MCTP2: variants seen among roughly 807,000 people sequenced by gnomAD.
The protein encoded by MCTP2 is multiple C2 and transmembrane domain containing 2.
MCTP2 carries 132 observed loss-of-function variants against 111.6 expected under a neutral mutation model. The ratio of observed to expected loss-of-function variants is 1.18; its 90% confidence interval spans 1.03 to 1.37. The LOEUF is 1.37. Ranked by LOEUF, MCTP2 falls within the 40% of genes most tolerant of loss-of-function variation. The pLI, the probability that MCTP2 is intolerant of heterozygous loss-of-function variation, is 0.00. For missense variants in MCTP2, 1,183 were observed against 1,067.9 expected, an observed-to-expected ratio of 1.11 and a Z score of -1.50; for synonymous variants, 395 against 387.7, an observed-to-expected ratio of 1.02 and a Z score of -0.22.
At chr15:94,314,461 C>T (rs923821090) in intron 3 of MCTP2, 117 bp downstream of exon 3, 8 of 737,726 alleles carry the variant, frequency 1.1e-5, no homozygotes, top group South Asian at 1.9e-5. Flanking sequence ...AATGCCAAAC[C>T]GTATCCACTT....
At chr15:94,423,813 T>C (rs2082739525) in intron 17 of MCTP2, among the ~76,000 whole-genome samples, 1 of 152,166 alleles carries the variant, frequency 6.6e-6, no homozygotes, top group Non-Finnish European at 1.5e-5. Flanking sequence ...TGATCTACTG[T>C]AAGGGAAAGC....
intron 4 of MCTP2, among the ~76,000 whole-genome samples, chr15:94,325,655 C>G (rs143086995): frequency 6.6e-5 from 9 of 136,190 alleles, no homozygotes; most frequent in African/African-American, 2.0e-4. Context: ...TTAAAAGGCA[C>G]CTTATTTGAA....
chr15:94,461,372 A>C (rs957951347), intron 20 of MCTP2, among the ~76,000 whole-genome samples: 1 of 151,880 alleles, frequency 6.6e-6, no homozygotes, highest in Non-Finnish European at 1.5e-5. Context: ...AGGCAGGAGA[A>C]TCGCTTGAAC....
In MCTP2 at chr15:94,458,076, TC is replaced by T. The variant is rs1379668045; in HGVS notation, c.2251-60del. ...GTTATTATAACATGTTATAATATTTTCTGTATCAGCATGATAAAAAATGAAG... is the reference window on the plus strand; with the variant it reads ...GTTATTATAACATGTTATAATATTTTTGTATCAGCATGATAAAAAATGAAG... On this transcript the variant is annotated intron_variant, in intron 19 of 22. Transcript: ENST00000357742. 3.4e-6 allele frequency: 3 copies of T among 885,590 alleles called. No individual in the cohort carries two copies. In the East Asian group the frequency reaches 7.3e-5, roughly 22 times the overall value. The allele number at this position is 885,590 out of a possible 1,614,324, so 54.9% of individuals were successfully genotyped here.
chr15:94,435,155 G>A (rs753088438), intron 17 of MCTP2, among the ~76,000 whole-genome samples: 7 of 152,004 alleles, frequency 4.6e-5, no homozygotes, highest in African/African-American at 9.7e-5. Context: ...ATGAGCCACC[G>A]TACCCAGCCT....
intron 1 of MCTP2, among the ~76,000 whole-genome samples, chr15:94,241,300 C>T (rs938359653): frequency 3.9e-5 from 6 of 152,248 alleles, no homozygotes; most frequent in Non-Finnish European, 7.4e-5. Context: ...GAACACTCAT[C>T]GGTGTTGTTT....
chr15:94,335,504 A>G (rs928692014), intron 4 of MCTP2, among the ~76,000 whole-genome samples: 2 of 152,240 alleles, frequency 1.3e-5, no homozygotes, highest in African/African-American at 2.4e-5. Flanking sequence ...ATTGATTTCC[A>G]TAATAAAGGG....
At position 94,367,709 on chromosome 15, in the gene MCTP2, C is replaced by A. The variant is rs746573027; in HGVS notation, c.1406C>A (p.Pro469His). ...GALLMLVTLT[P>H]CAGVSVSDLC... ...CTCCTTATGTTGGTCACACTTACAC[C>A]CTGTGCGGGGGTCTCCGTCTCTGAT... The change falls in exon 11 of 23, where the codon CCC (proline) becomes CAC (histidine). Residue 469 changes from proline (P) to histidine (H), a missense_variant. Physicochemically the swap from Pro to His is moderately conservative, Grantham distance 77. Coordinates refer to ENST00000357742, the MANE Select transcript of MCTP2 (RefSeq NM_001385001.1). 6.2e-7 allele frequency: 1 copy of A among 1,610,518 alleles called. No individual in the cohort carries two copies. The highest frequency in any genetic ancestry group is 1.1e-5 in the South Asian group (1 of 90,670).
At chr15:94,430,324 T>C (rs1161421164) in intron 17 of MCTP2, among the ~76,000 whole-genome samples, 2 of 151,274 alleles carry the variant, frequency 1.3e-5, no homozygotes, top group Admixed American at 6.6e-5. Flanking sequence ...TCTTGCTCAC[T>C]CTGCTTCAGA....
chr15:94,273,604 G>T, intron 1 of MCTP2: 1 of 201,634 alleles, frequency 5.0e-6, no homozygotes, highest in South Asian at 1.0e-4. Flanking sequence ...GCTCTCCAAA[G>T]AGCTGAGCAG....
At chr15:94,263,962 G>A (rs140384114) in intron 1 of MCTP2, among the ~76,000 whole-genome samples, 30 of 152,298 alleles carry the variant, frequency 2.0e-4, no homozygotes, top group African/African-American at 6.0e-4. Flanking sequence ...TAGTCTGGTA[G>A]ATATGAGTAG....
At position 94,415,307 on chromosome 15, in the gene MCTP2, A is replaced by G. The variant is rs1328517882; in HGVS notation, c.2085+13288A>G. Among the ~76,000 whole-genome samples, 5 of 152,220 alleles carry G rather than the reference A, an allele frequency of 3.3e-5. No individual in the cohort carries two copies. In the East Asian group the frequency reaches 7.7e-4, roughly 24 times the overall value. On this transcript the variant is annotated intron_variant, in intron 17 of 22. Transcript: ENST00000357742. The stretch of plus-strand genomic sequence containing the variant: ...TATCTGTCTTTCCACTGAGACCACT[A>G]GATCAAGTAACCTAGACGGTGTCAA...
At chr15:94,243,500 T>TA (rs2071288392) in intron 1 of MCTP2, among the ~76,000 whole-genome samples, 1 of 136,420 alleles carries the variant, frequency 7.3e-6, no homozygotes, top group Non-Finnish European at 1.6e-5. Flanking sequence ...TATGCGTACA[T>TA]ATGTATGCGT....
At chr15:94,398,461 C>T (rs1567622342) in intron 14 of MCTP2, among the ~76,000 whole-genome samples, 1 of 152,152 alleles carries the variant, frequency 6.6e-6, no homozygotes, top group Non-Finnish European at 1.5e-5. Flanking sequence ...ACATTGTTAC[C>T]TTGTGATTAA....
chr15:94,422,707 G>C (rs572431584), intron 17 of MCTP2, among the ~76,000 whole-genome samples: 1 of 152,146 alleles, frequency 6.6e-6, no homozygotes, highest in Non-Finnish European at 1.5e-5. Flanking sequence ...TCCCCACCAA[G>C]TTCTCCAACC....
intron 1 of MCTP2, among the ~76,000 whole-genome samples, chr15:94,293,485 A>G (rs1243115862): frequency 6.6e-6 from 1 of 152,188 alleles, no homozygotes; most frequent in Non-Finnish European, 1.5e-5. Context: ...AATGAAAATT[A>G]AAAACCCAGA....
intron 14 of MCTP2, among the ~76,000 whole-genome samples, chr15:94,391,150 G>C (rs188289620): frequency 6.6e-6 from 1 of 151,994 alleles, no homozygotes; most frequent in Non-Finnish European, 1.5e-5. Context: ...CAGTGTTCTC[G>C]GTGAATCCAT....
intron 1 of MCTP2, among the ~76,000 whole-genome samples, chr15:94,296,883 C>T (rs145705839): frequency 3.9e-5 from 6 of 152,298 alleles, no homozygotes; most frequent in East Asian, 1.9e-4. Context: ...TCTTGTCATG[C>T]GCTGGTCATT....
intron 10 of MCTP2, among the ~76,000 whole-genome samples, chr15:94,363,844 G>A (rs950620934): frequency 6.6e-6 from 1 of 152,114 alleles, no homozygotes; most frequent in Admixed American, 6.6e-5. Context: ...CCTTGTGTGT[G>A]AAGTCATATG....
Sources: gnomAD v4.1 joint callset for allele counts (sites outside exome capture counted in the v4.1 genomes callset) on GRCh38, gnomAD v4.1.1 for gene constraint, MANE v1.5 for transcripts, NCBI Gene and HGNC (gene_info 2026-07-23, HGNC 2026-07-21) for gene names.